Variants in SLC35F4 observed in about 807,000 individuals in gnomAD.
SLC35F4 encodes the protein chromosome 14 open reading frame 36.
A neutral mutation model predicts 44.2 loss-of-function variants in SLC35F4; 24 were observed. That is an observed-to-expected ratio of 0.54 (90% CI 0.39 to 0.76). The LOEUF is 0.76. SLC35F4 is among the 30% of genes least tolerant of loss of function. The pLI is 0.00. For missense variants in SLC35F4, 562 were observed against 586.1 expected (o/e 0.96, Z 0.42); for synonymous variants, 238 against 223.6 (o/e 1.06, Z -0.57).
chr14:57,748,232 T>C (rs1312447340), intron 1 of SLC35F4, among the ~76,000 whole-genome samples: 1 of 152,162 alleles, frequency 6.6e-6, no homozygotes, highest in Non-Finnish European at 1.5e-5. Context: ...GAATATAGAC[T>C]ATTGGAGCCC....
intron 1 of SLC35F4, among the ~76,000 whole-genome samples, chr14:57,606,014 T>C (rs550516650): frequency 2.0e-5 from 3 of 152,316 alleles, no homozygotes; most frequent in African/African-American, 7.2e-5. Context: ...TTGGGTACTA[T>C]GCTCACTACC....
intron 1 of SLC35F4, among the ~76,000 whole-genome samples, chr14:57,742,321 G>A (rs1276936255): frequency 3.3e-5 from 5 of 152,276 alleles, no homozygotes; most frequent in Admixed American, 2.0e-4. Flanking sequence ...GCTGTATTCA[G>A]GAGACACATC....
At chr14:57,972,599 G>C (rs142051123), downstream of SLC35F4, among the ~76,000 whole-genome samples, 1 of 152,168 alleles carries the variant, frequency 6.6e-6, no homozygotes, top group East Asian at 1.9e-4. Flanking sequence ...AGGCTCAAAG[G>C]GTTGGAGTTA....
At chr14:57,843,029 T>C (rs1476049464) in intron 1 of SLC35F4, among the ~76,000 whole-genome samples, 1 of 152,186 alleles carries the variant, frequency 6.6e-6, no homozygotes, top group Non-Finnish European at 1.5e-5. Context: ...AGTTTTGGAC[T>C]CTTGGACTTA....
At chr14:57,901,029 G>A (rs1005686308) in intron 1 of SLC35F4, among the ~76,000 whole-genome samples, 1 of 152,188 alleles carries the variant, frequency 6.6e-6, no homozygotes, top group Non-Finnish European at 1.5e-5. Flanking sequence ...AGCAGATGCT[G>A]GTGAGGTTGC....
chr14:57,582,075 T>C (rs556957393), intron 3 of SLC35F4, among the ~76,000 whole-genome samples: 1 of 152,332 alleles, frequency 6.6e-6, no homozygotes, highest in Admixed American at 6.5e-5. Flanking sequence ...GGAGGAATTG[T>C]CTAAATTCGG....
intron 1 of SLC35F4, among the ~76,000 whole-genome samples, chr14:57,916,250 C>T (rs1157130649): frequency 6.6e-6 from 1 of 152,070 alleles, no homozygotes; most frequent in African/African-American, 2.4e-5. Flanking sequence ...TGCAATAATC[C>T]CATTAATCTA....
chr14:57,923,945 T>C (rs916218423), intron 1 of SLC35F4, among the ~76,000 whole-genome samples: 2 of 152,242 alleles, frequency 1.3e-5, no homozygotes, highest in Non-Finnish European at 2.9e-5. Context: ...AGGAACCCAG[T>C]GGCAGGCGAT....
At chr14:57,597,518 G>A (rs1340678366) in intron 1 of SLC35F4, among the ~76,000 whole-genome samples, 1 of 152,200 alleles carries the variant, frequency 6.6e-6, no homozygotes, top group Non-Finnish European at 1.5e-5. Flanking sequence ...TACCTTCATG[G>A]AACTCTCAGT....
chr14:57,757,091 C>A (rs1385014361), intron 1 of SLC35F4, among the ~76,000 whole-genome samples: 2 of 152,142 alleles, frequency 1.3e-5, no homozygotes, highest in Non-Finnish European at 2.9e-5. Flanking sequence ...GGTGCGTGAA[C>A]ATCTAGGACT....
chr14:57,927,155 A>T (rs1265949394), intron 1 of SLC35F4, among the ~76,000 whole-genome samples: 1 of 152,232 alleles, frequency 6.6e-6, no homozygotes, highest in Non-Finnish European at 1.5e-5. Context: ...CCTGTGGATC[A>T]AGGTTTGCCA....
intron 1 of SLC35F4, among the ~76,000 whole-genome samples, chr14:57,817,430 C>T (rs758428356): frequency 2.1e-4 from 32 of 152,130 alleles, no homozygotes; most frequent in Admixed American, 2.6e-4. Flanking sequence ...TCACCTGAGG[C>T]AGGTGCTTCA....
chr14:57,904,434 C>T (rs772623677), intron 1 of SLC35F4, among the ~76,000 whole-genome samples: 2 of 152,200 alleles, frequency 1.3e-5, no homozygotes, highest in Non-Finnish European at 2.9e-5. Flanking sequence ...ATTACATGGA[C>T]TCCCATGTTC....
At chr14:57,577,422 T>A (rs1373091610) in intron 4 of SLC35F4, among the ~76,000 whole-genome samples, 7 of 152,290 alleles carry the variant, frequency 4.6e-5, no homozygotes, top group Non-Finnish European at 2.9e-5. Context: ...TTTCACAGTC[T>A]GCTAAGACAG....
At chr14:57,592,251 G>A (rs970252703) in intron 2 of SLC35F4, among the ~76,000 whole-genome samples, 5 of 152,214 alleles carry the variant, frequency 3.3e-5, no homozygotes, top group African/African-American at 9.6e-5. Flanking sequence ...GTATGGCATT[G>A]AGTACATTTT....
intron 1 of SLC35F4, among the ~76,000 whole-genome samples, chr14:57,769,034 A>G (rs1399809585): frequency 1.3e-5 from 2 of 152,136 alleles, no homozygotes; most frequent in Admixed American, 6.5e-5. Flanking sequence ...TAGTTGCTCT[A>G]AAGAGTACTG....
chr14:57,643,361 G>A (rs949384780), intron 1 of SLC35F4, among the ~76,000 whole-genome samples: 1 of 151,960 alleles, frequency 6.6e-6, no homozygotes, highest in Admixed American at 6.6e-5. Context: ...AAGAAATAGT[G>A]CAATGCTAAA....
chr14:57,918,711 CT>C (rs1889382040), intron 1 of SLC35F4, among the ~76,000 whole-genome samples: 1 of 152,190 alleles, frequency 6.6e-6, no homozygotes, highest in Non-Finnish European at 1.5e-5. Flanking sequence ...CCCACACCTG[CT>C]GCTGACTCTT....
chr14:57,654,084 G>T (rs1259337338), intron 1 of SLC35F4, among the ~76,000 whole-genome samples: 1 of 152,032 alleles, frequency 6.6e-6, no homozygotes, highest in Non-Finnish European at 1.5e-5. Context: ...CAGTCATATT[G>T]CATTAGGTAC....
Sources: gnomAD v4.1 joint callset for allele counts (sites outside exome capture counted in the v4.1 genomes callset) on GRCh38, gnomAD v4.1.1 for gene constraint, MANE v1.5 for transcripts, NCBI Gene and HGNC (gene_info 2026-07-23, HGNC 2026-07-21) for gene names.